RAI1: variants seen among roughly 807,000 people sequenced by gnomAD.
RAI1 encodes the protein retinoic acid-induced protein 1.
RAI1 carries 9 observed loss-of-function variants against 123.8 expected under a neutral mutation model. That is an observed-to-expected ratio of 0.07 (90% CI 0.04 to 0.13). The LOEUF (loss-of-function observed/expected upper bound fraction) is 0.13. Ranked by LOEUF, RAI1 falls within the 10% of genes least tolerant of loss-of-function variation. The pLI is 1.00. For synonymous variants in RAI1, 1,231 were observed against 1,127.3 expected (o/e 1.09, Z -1.84); for missense variants, 2,256 against 2,545.8 (o/e 0.89, Z 2.45).
Position 17,810,307 on chromosome 17 carries a change from G to A in RAI1, c.*326G>A, listed in dbSNP as rs948101269. On this transcript the variant is annotated 3_prime_UTR_variant, in exon 6 of 6. Coordinates refer to ENST00000353383, the MANE Select transcript of RAI1 (RefSeq NM_030665.4). The surrounding 1 kb of genome is among the most constrained non-coding windows in gnomAD (Gnocchi z 4.6). ...CCCGGGGCGCTCAGCCTCCGGCGAG[G>A]GTGGGAGACGGCTTTGTCCTGGGGA... 9 of 435,992 alleles carry A rather than the reference G, an allele frequency of 2.1e-5. No homozygotes were observed. Among genetic ancestry groups the A allele is most frequent in the Non-Finnish European group, 2.8e-5 (7 of 245,954 alleles). 27.0% of individuals were successfully genotyped at this position (435,992 alleles called of 1,614,324 possible). A position where few individuals can be genotyped will look rare whatever the true frequency, so the allele number is the denominator to read the frequency against.
rs754520023 is a variant in RAI1, at chr17:17,799,014, C to G, written c.5565+501C>G. ...GCGACACAGGCTTGGTGCATGGACCCAGTCACAGGGTTCCTCCCTCTGCAG... is the reference window on the plus strand; with the variant it reads ...GCGACACAGGCTTGGTGCATGGACCGAGTCACAGGGTTCCTCCCTCTGCAG... On this transcript the variant is annotated intron_variant, in intron 3 of 5. Coordinates refer to ENST00000353383, the MANE Select transcript of RAI1 (RefSeq NM_030665.4). The surrounding 1 kb of genome is among the most constrained non-coding windows in gnomAD (Gnocchi z 4.5). Among the ~76,000 whole-genome samples the G allele has an allele frequency of 6.6e-6, 1 of 152,178 alleles. No homozygotes were observed. The highest frequency in any genetic ancestry group is 1.5e-5 in the Non-Finnish European group (1 of 68,020).
At chr17:17,780,018 G>A (rs1339667095) in intron 2 of RAI1, among the ~76,000 whole-genome samples, 6 of 147,036 alleles carry the variant, frequency 4.1e-5, no homozygotes, top group African/African-American at 1.0e-4. Flanking sequence ...CTCATGATCC[G>A]CCTGCCTCGG....
At chr17:17,711,797 C>T (rs768455179) in intron 1 of RAI1, among the ~76,000 whole-genome samples, 6 of 152,210 alleles carry the variant, frequency 3.9e-5, no homozygotes, top group East Asian at 1.9e-4. Flanking sequence ...AGGTGAGGCC[C>T]GGGCTCTGTC....
At position 17,801,332 on chromosome 17, in the gene RAI1, C is replaced by T. The variant is rs1324973430; in HGVS notation, c.5566-2424C>T. Among the ~76,000 whole-genome samples, 2 of 152,110 alleles carry T rather than the reference C, an allele frequency of 1.3e-5. No homozygotes were observed. Among genetic ancestry groups the T allele is most frequent in the East Asian group, 1.9e-4 (1 of 5,200 alleles). On this transcript the variant is annotated intron_variant, in intron 3 of 5. Coordinates refer to ENST00000353383, the MANE Select transcript of RAI1 (RefSeq NM_030665.4). This position sits in a 1 kb window ranked among gnomAD's most constrained non-coding sequence, Gnocchi z 4.1. Reference sequence around the variant, plus strand: ...CCCACCTGTGGCAGGGTTTACATGCCGCCACCCCTGCCCTCCTCTTGGGTA... The same window carrying T: ...CCCACCTGTGGCAGGGTTTACATGCTGCCACCCCTGCCCTCCTCTTGGGTA...
intron 1 of RAI1, chr17:17,684,772 C>T (rs1254712165): frequency 6.7e-6 from 1 of 150,268 alleles, no homozygotes; most frequent in Non-Finnish European, 1.5e-5. Context: ...CAAGTGAGGA[C>T]ATACTGTGGG....
In RAI1 at chr17:17,795,030, C is replaced by T. The variant is rs776938903; in HGVS notation, c.2082C>T (p.Phe694=). ...PGLFEDPSVA[F]ATPDPKKTTG... ...TGTTTGAAGACCCTTCCGTGGCCTT[C>T]GCTACGCCTGACCCCAAAAAGACAA... Residue 694 remains phenylalanine (F), a synonymous_variant, in exon 3 of 6, where the codon TTC becomes TTT. Coordinates refer to ENST00000353383, the MANE Select transcript of RAI1 (RefSeq NM_030665.4). This position sits in a 1 kb window ranked among gnomAD's most constrained non-coding sequence, Gnocchi z 5.9. 2.4e-5 allele frequency: 39 copies of T among 1,614,004 alleles called. No homozygotes were observed. The South Asian group carries it at 3.3e-4, about 14-fold the overall frequency.
At chr17:17,731,043 A>C (rs1186670603) in intron 2 of RAI1, among the ~76,000 whole-genome samples, 1 of 152,182 alleles carries the variant, frequency 6.6e-6, no homozygotes, top group Non-Finnish European at 1.5e-5. Context: ...GAACTGCCAG[A>C]GCATCAGGCA....
chr17:17,761,377 G>A (rs1054209189), intron 2 of RAI1, among the ~76,000 whole-genome samples: 16 of 152,082 alleles, frequency 1.1e-4, no homozygotes, highest in African/African-American at 3.9e-4. Flanking sequence ...CCATTTACCA[G>A]CCCACGTCAT....
intron 1 of RAI1, among the ~76,000 whole-genome samples, chr17:17,718,203 G>A (rs567272352): frequency 2.8e-4 from 43 of 152,230 alleles, no homozygotes; most frequent in Non-Finnish European, 5.4e-4. Flanking sequence ...GCCAGAACCT[G>A]CATGGGTCGG....
At chr17:17,782,235 G>C (rs2031611968) in intron 2 of RAI1, 1 of 152,290 alleles carries the variant, frequency 6.6e-6, no homozygotes, top group East Asian at 1.9e-4. Flanking sequence ...CCGCGTCCTC[G>C]GCTGGTGGAG....
intron 1 of RAI1, among the ~76,000 whole-genome samples, chr17:17,693,464 C>T (rs1914907644): frequency 6.6e-6 from 1 of 152,244 alleles, no homozygotes; most frequent in Admixed American, 6.5e-5. Flanking sequence ...CTTGCTCCAC[C>T]CAACTGGCAC....
chr17:17,702,486 G>C (rs1157142520), intron 1 of RAI1, among the ~76,000 whole-genome samples: 1 of 152,230 alleles, frequency 6.6e-6, no homozygotes, highest in Non-Finnish European at 1.5e-5. Flanking sequence ...GGGGCCTGCT[G>C]CCCAACTCCA....
At position 17,778,272 on chromosome 17, in the gene RAI1, GCT is replaced by G. The variant is rs201369635; in HGVS notation, c.-16-14658_-16-14657del. 850 of 186,910 alleles carry G rather than the reference GCT, an allele frequency of 4.5e-3. 33 individuals are homozygous for G. The highest frequency in any genetic ancestry group is 0.045 in the Admixed American group (815 of 18,224). The allele number at this position is 186,910 out of a possible 1,614,324, so 11.6% of individuals were successfully genotyped here. A position where few individuals can be genotyped will look rare whatever the true frequency, so the allele number is the denominator to read the frequency against. ...CCTCAGCCCCAGAATGTCCTCCCCA[GCT>G]CTGTCGCAGACATACGTGGCTCCCT... On this transcript the variant is annotated intron_variant, in intron 2 of 5. Transcript: ENST00000353383.
chr17:17,801,537 ACAG>A lies in RAI1; in HGVS notation c.5566-2214_5566-2212del, dbSNP rs2032462174. Among the ~76,000 whole-genome samples the A allele has an allele frequency of 6.6e-6, 1 of 152,176 alleles. No individual in the cohort carries two copies. Among genetic ancestry groups the A allele is most frequent in the African/African-American group, 2.4e-5 (1 of 41,422 alleles). On this transcript the variant is annotated intron_variant, in intron 3 of 5. Transcript: ENST00000353383. This position sits in a 1 kb window ranked among gnomAD's most constrained non-coding sequence, Gnocchi z 4.1. ...TCCAGACACCAAGGGCCACTCACAG[ACAG>A]CAGCCGGCTTGTGTTTCGTCATCCC... is the stretch of plus-strand genomic sequence containing the variant.
intron 2 of RAI1, among the ~76,000 whole-genome samples, chr17:17,785,938 C>T (rs2031811902): frequency 6.6e-6 from 1 of 152,198 alleles, no homozygotes; most frequent in East Asian, 1.9e-4. Flanking sequence ...CTTGAATTCT[C>T]AAGTATGAAA....
At position 17,803,860 on chromosome 17, in the gene RAI1, G is replaced by A. The variant is rs201599736; in HGVS notation, c.5659+11G>A. 5.3e-5 allele frequency: 86 copies of A among 1,611,142 alleles called. No homozygotes were observed. The highest frequency in any genetic ancestry group is 4.8e-4 in the South Asian group (44 of 91,048). On this transcript the variant is annotated intron_variant, in intron 4 of 5. Coordinates refer to ENST00000353383, the MANE Select transcript of RAI1 (RefSeq NM_030665.4). ...GTGCCAGCGATGCAGGTACGAGCCC[G>A]CCCAGGAACAGGAGGGCATTGGAGC...
At position 17,698,386 on chromosome 17, in the gene RAI1, G is replaced by C. The variant is rs527503167; in HGVS notation, c.-149+16593G>C. ...ATCCCTGCTTTGGGGCCCAACTCTG[G>C]ATTCTGGGCGTTGTCTCTGTCCCCC... On this transcript the variant is annotated intron_variant, in intron 1 of 5. Coordinates refer to ENST00000353383, the MANE Select transcript of RAI1 (RefSeq NM_030665.4). Among the ~76,000 whole-genome samples the C allele has an allele frequency of 3.3e-5, 5 of 152,330 alleles. No homozygotes were observed. In the East Asian group the frequency reaches 7.7e-4, roughly 24 times the overall value.
Position 17,797,129 on chromosome 17 carries a change from C to T in RAI1, c.4181C>T (p.Ser1394Phe). 1 of 1,614,018 alleles carries T rather than the reference C, an allele frequency of 6.2e-7. No individual in the cohort carries two copies. Among genetic ancestry groups the T allele is most frequent in the East Asian group, 2.2e-5 (1 of 44,880 alleles). ...NVGTGQKLPT[S>F]GADPLCRNPT... ...GGCACCGGGCAGAAGCTCCCAACTT[C>T]TGGGGCTGATCCGTTATGCAGAAAT... Residue 1394 changes from serine to phenylalanine, a missense_variant, in exon 3 of 6, where the codon TCT becomes TTT. Coordinates refer to ENST00000353383, the MANE Select transcript of RAI1 (RefSeq NM_030665.4).
chr17:17,797,642 T>C lies in RAI1; in HGVS notation c.4694T>C (p.Val1565Ala). ...GRAKRRRQQQ[V>A]LPLDPAEPEI... ...GCCAAGCGACGACGACAGCAGCAGG[T>C]GCTGCCCCTGGATCCCGCAGAGCCT... The change falls in exon 3 of 6, where the codon GTG becomes GCG. Residue 1565 changes from valine to alanine, a missense_variant. By Grantham distance (64) the Val-to-Ala change is moderately conservative. Around this residue, in one of 7 missense-constraint regions of RAI1, gnomAD observed 410 missense variants for 374.6 expected, o/e 1.09. Transcript: ENST00000353383. 1.2e-6 allele frequency: 2 copies of C among 1,613,858 alleles called. No homozygotes were observed. The highest frequency in any genetic ancestry group is 1.1e-5 in the South Asian group (1 of 91,088).
Sources: gnomAD v4.1 joint callset for allele counts (sites outside exome capture counted in the v4.1 genomes callset) on GRCh38, gnomAD v4.1.1 for gene constraint, gnomAD v4.1.1 regional missense constraint, Gnocchi (gnomAD v3.1) non-coding constraint, MANE v1.5 for transcripts, NCBI Gene and HGNC (gene_info 2026-07-23, HGNC 2026-07-21) for gene names.